ACVR1: variants seen among roughly 807,000 people sequenced by gnomAD.
ACVR1 encodes the protein activin receptor type-1.
In ACVR1, 38 loss-of-function variants were observed where a neutral mutation model predicts 57.1. The ratio of observed to expected loss-of-function variants is 0.67; its 90% CI spans 0.51 to 0.87. The LOEUF is 0.87. Among genes scored for constraint, ACVR1 ranks in the 40% least tolerant of loss-of-function variants. ACVR1 has a pLI of 0.00. For missense variants in ACVR1, 463 were observed against 638.2 expected (o/e 0.73, Z 2.96); for synonymous variants, 212 against 228.1 (o/e 0.93, Z 0.63).
intron 1 of ACVR1, among the ~76,000 whole-genome samples, chr2:157,828,449 CAA>C (rs369753645): frequency 2.4e-5 from 2 of 84,268 alleles, no homozygotes; most frequent in Admixed American, 1.4e-4. Flanking sequence ...GACTCCGTCT[CAA>C]AAAAAAAAAA....
At chr2:157,764,927 A>G (rs558250768) in intron 8 of ACVR1, among the ~76,000 whole-genome samples, 1 of 152,178 alleles carries the variant, frequency 6.6e-6, no homozygotes, top group South Asian at 2.1e-4. Context: ...TTTTCCTAAC[A>G]TGTCAAATCC....
chr2:157,769,238 G>A (rs190770956), intron 7 of ACVR1, among the ~76,000 whole-genome samples: 1 of 152,270 alleles, frequency 6.6e-6, no homozygotes, highest in East Asian at 1.9e-4. Context: ...TGATTCCTGG[G>A]AGCCCCAAAC....
rs527523120 is a variant in ACVR1, at chr2:157,747,330, T to C, written c.1265-8760A>G. The stretch of plus-strand genomic sequence containing the variant: ...AAAAACATCCACATTCTTTGACCTA[T>C]TAAGTCTACTTATTTTCAGATTAAG... On this transcript the variant is annotated intron_variant, in intron 9 of 10. Transcript: ENST00000434821. Among the ~76,000 whole-genome samples, 4 of 152,338 alleles carry C rather than the reference T, an allele frequency of 2.6e-5. No individual in the cohort carries two copies. The South Asian group carries it at 8.3e-4, about 32-fold the overall frequency.
rs149529435 is a variant in ACVR1, at chr2:157,870,804, G to A, written c.-183+4992C>T. On this transcript the variant is annotated intron_variant, in intron 1 of 10. Coordinates refer to ENST00000434821, the MANE Select transcript of ACVR1 (RefSeq NM_001111067.4). ...ATGTTTGTGGAATTGACTAAGCACA[G>A]GTTACAACATTAAGCACTGAGAAGA... 1.2e-4 allele frequency among the ~76,000 whole-genome samples: 18 copies of A among 152,282 alleles called. No individual in the cohort carries two copies. The East Asian group carries it at 3.5e-3, about 29-fold the overall frequency.
chr2:157,751,168 CCCAAACA>C (rs1037882778), intron 9 of ACVR1, among the ~76,000 whole-genome samples: 1 of 152,302 alleles, frequency 6.6e-6, no homozygotes, highest in Non-Finnish European at 1.5e-5. Flanking sequence ...ACTGTCCACC[CCCAAACA>C]CACACCCTCA....
At chr2:157,754,918 A>C (rs539356973) in intron 9 of ACVR1, among the ~76,000 whole-genome samples, 4 of 152,346 alleles carry the variant, frequency 2.6e-5, no homozygotes, top group Non-Finnish European at 4.4e-5. Flanking sequence ...ACCATGATCA[A>C]GTGGGTTTCA....
intron 7 of ACVR1, among the ~76,000 whole-genome samples, chr2:157,768,437 T>C (rs1685955079): frequency 6.6e-6 from 1 of 152,198 alleles, no homozygotes; most frequent in Non-Finnish European, 1.5e-5. Context: ...TATATATCTG[T>C]GTAGCCTCTA....
At chr2:157,818,602 A>T (rs1688033203) in intron 1 of ACVR1, 43 bp from the exon 2 acceptor site, 1 of 152,260 alleles carries the variant, frequency 6.6e-6, no homozygotes, top group Non-Finnish European at 1.5e-5. Flanking sequence ...AGCAGAAGAA[A>T]ATCCTGCAGT....
At chr2:157,820,693 C>T (rs1688132671) in intron 1 of ACVR1, among the ~76,000 whole-genome samples, 1 of 151,974 alleles carries the variant, frequency 6.6e-6, no homozygotes, top group Non-Finnish European at 1.5e-5. Flanking sequence ...GGTTCTCCTG[C>T]CTCTGTCCAG....
chr2:157,774,552 C>T (rs568112203), intron 5 of ACVR1, among the ~76,000 whole-genome samples: 56 of 151,774 alleles, frequency 3.7e-4, no homozygotes, highest in African/African-American at 5.8e-4. Flanking sequence ...TTAGTAGAGA[C>T]GGGGTTTCTC....
chr2:157,777,707 A>G (rs1248444991), intron 5 of ACVR1, among the ~76,000 whole-genome samples: 1 of 152,240 alleles, frequency 6.6e-6, no homozygotes. Flanking sequence ...TAAGCCTTAA[A>G]TTACAGGATG....
intron 1 of ACVR1, among the ~76,000 whole-genome samples, chr2:157,848,932 CTA>C (rs1689211321): frequency 6.6e-6 from 1 of 151,990 alleles, no homozygotes; most frequent in Non-Finnish European, 1.5e-5. Context: ...GCTGTCATAA[CTA>C]CACACATTTT....
At position 157,780,493 on chromosome 2, in the gene ACVR1, T is replaced by A. The variant is rs1296302175; in HGVS notation, c.175A>T (p.Ile59Phe). The change falls in exon 4 of 11, where the codon ATC becomes TTC. Residue 59 changes from isoleucine to phenylalanine, a missense_variant. Around this residue, in one of 3 missense-constraint regions of ACVR1, gnomAD observed 203 missense variants for 235.5 expected, o/e 0.86. Coordinates refer to ENST00000434821, the MANE Select transcript of ACVR1 (RefSeq NM_001111067.4). ...EGQQCFSSLS[I>F]NDGFHVYQKG... ...TGGTAGACGTGGAAGCCATCGTTGA[T>A]GCTCAGTGAGGAAAAGCACTGCTGG... 1.2e-6 allele frequency: 2 copies of A among 1,614,136 alleles called. No homozygotes were observed. Among genetic ancestry groups the A allele is most frequent in the Admixed American group, 1.7e-5 (1 of 60,018 alleles).
intron 1 of ACVR1, among the ~76,000 whole-genome samples, chr2:157,841,618 T>C (rs1180868207): frequency 6.6e-6 from 1 of 152,102 alleles, no homozygotes; most frequent in Non-Finnish European, 1.5e-5. Context: ...GGCAAAAGGA[T>C]TGCTTGAGCC....
At chr2:157,873,105 C>T (rs1174507594) in intron 1 of ACVR1, among the ~76,000 whole-genome samples, 2 of 152,114 alleles carry the variant, frequency 1.3e-5, no homozygotes, top group Non-Finnish European at 2.9e-5. Flanking sequence ...TGAATCATTG[C>T]TTTAAAGAAA....
chr2:157,764,960 A>T (rs1483644778), intron 8 of ACVR1, among the ~76,000 whole-genome samples: 2 of 152,316 alleles, frequency 1.3e-5, no homozygotes, highest in East Asian at 3.9e-4. Context: ...AACAAACAAA[A>T]ATAAACTTTG....
chr2:157,817,770 G>A (rs188077656), intron 2 of ACVR1, among the ~76,000 whole-genome samples: 1 of 152,274 alleles, frequency 6.6e-6, no homozygotes, highest in Admixed American at 6.5e-5. Context: ...GGAGGCCAAG[G>A]CAGGTGGATC....
chr2:157,828,870 G>A (rs1197813099), intron 1 of ACVR1, among the ~76,000 whole-genome samples: 1 of 152,030 alleles, frequency 6.6e-6, no homozygotes, highest in African/African-American at 2.4e-5. Flanking sequence ...GGGCTCAAGC[G>A]ATTTTTGTGC....
At chr2:157,854,479 T>C (rs538673444) in intron 1 of ACVR1, among the ~76,000 whole-genome samples, 220 of 152,212 alleles carry the variant, frequency 1.4e-3, no homozygotes, top group African/African-American at 4.9e-3. Flanking sequence ...TCCCAGCCCT[T>C]TGGGAGGCCG....
Sources: gnomAD v4.1 joint callset for allele counts (sites outside exome capture counted in the v4.1 genomes callset) on GRCh38, gnomAD v4.1.1 for gene constraint, gnomAD v4.1.1 regional missense constraint, MANE v1.5 for transcripts, NCBI Gene and HGNC (gene_info 2026-07-23, HGNC 2026-07-21) for gene names.